Variants in RITA1 observed in about 807,000 individuals in gnomAD.
RITA1 encodes RBPJ interacting and tubulin associated 1, also known as RBPJ-interacting and tubulin-associated protein 1.
Under a neutral mutation model 8.7 loss-of-function variants are expected in RITA1, and 15 were observed. That is an observed-to-expected ratio of 1.72 (90% CI 1.15 to 2.65). RITA1 has a LOEUF of 2.65. Ranked by LOEUF, RITA1 falls within the 30% of genes most tolerant of loss-of-function variation. The pLI is 0.00. For synonymous variants in RITA1, 145 were observed against 156.2 expected, an observed-to-expected ratio of 0.93 and a Z score of 0.53; for missense variants, 330 against 363.8, an observed-to-expected ratio of 0.91 and a Z score of 0.76.
Position 113,185,801 on chromosome 12 carries a change from G to C in RITA1, c.-417G>C. ...TGGATTCGCGGGCCGTTCACACGTA[G>C]CCTGTGCCGGCTCCTCGGGTGAGTC... On this transcript the variant is annotated 5_prime_UTR_variant, in exon 1 of 4. Coordinates refer to ENST00000548278, the MANE Select transcript of RITA1 (RefSeq NM_032848.3). 1 of 638,766 alleles carries C rather than the reference G, an allele frequency of 1.6e-6. No homozygotes were observed. Among genetic ancestry groups the C allele is most frequent in the Non-Finnish European group, 2.7e-6 (1 of 373,742 alleles). 39.6% of individuals were successfully genotyped at this position (638,766 alleles called of 1,614,324 possible).
Position 113,190,479 on chromosome 12 carries a change from A to G in RITA1, c.303-831A>G, listed in dbSNP as rs75930000. ...GAGCAACATAAATCTGATCTCTACT[A>G]AAAATCAAAAACAAAAAAATTAGCT... On this transcript the variant is annotated intron_variant, in intron 3 of 3. Coordinates refer to ENST00000548278, the MANE Select transcript of RITA1 (RefSeq NM_032848.3). Among the ~76,000 whole-genome samples, 27 of 152,178 alleles carry G rather than the reference A, an allele frequency of 1.8e-4. 1 individual carries two copies. In the East Asian group the frequency reaches 5.2e-3, roughly 29 times the overall value.
chr12:113,191,890 A>C lies in RITA1; in HGVS notation c.*73A>C, dbSNP rs1020143692. On this transcript the variant is annotated 3_prime_UTR_variant, in exon 4 of 4. Transcript: ENST00000548278. The surrounding 1 kb of genome is among the most constrained non-coding windows in gnomAD (Gnocchi z 4.0). ...CCCTTGCCAGGGTAGGAGGACATTC[A>C]TCACCCAGGGAACCCCAGGTATTAA... 6.6e-7 allele frequency: 1 copy of C among 1,508,122 alleles called. No individual in the cohort carries two copies. Among genetic ancestry groups the C allele is most frequent in the Non-Finnish European group, 8.9e-7 (1 of 1,126,382 alleles). The allele number at this position is 1,508,122 out of a possible 1,614,324, so 93.4% of individuals were successfully genotyped here. A position where few individuals can be genotyped will look rare whatever the true frequency, so the allele number is the denominator to read the frequency against.
rs769204296 is a variant in RITA1 at position 113,191,591 on chromosome 12, A to G, written c.584A>G (p.Lys195Arg). 6.2e-7 allele frequency: 1 copy of G among 1,614,114 alleles called. No individual in the cohort carries two copies. The highest frequency in any genetic ancestry group is 8.5e-7 in the Non-Finnish European group (1 of 1,179,996). Residue 195 changes from lysine to arginine, a missense_variant, in exon 4 of 4, where the codon AAG (lysine) becomes AGG (arginine). Coordinates refer to ENST00000548278, the MANE Select transcript of RITA1 (RefSeq NM_032848.3). This position sits in a 1 kb window ranked among gnomAD's most constrained non-coding sequence, Gnocchi z 4.0. ...GGGTTACACTCTTCACGCCCCCTGA[A>G]GCGGGGACTTTCCCATTCCCTCACC... ...MGGLHSSRPL[K>R]RGLSHSLTHL... is the part of the protein sequence containing the mutation.
At chr12:113,188,052 A>ATT (rs539937957) in intron 3 of RITA1, among the ~76,000 whole-genome samples, 2 of 144,558 alleles carry the variant, frequency 1.4e-5, no homozygotes, top group African/African-American at 5.0e-5. Flanking sequence ...AAACAACACA[A>ATT]TTTTTTTTTT....
rs1952530640 is a variant in RITA1 at position 113,185,931 on chromosome 12, C to G, written c.-287C>G. 1 of 1,512,540 alleles carries G rather than the reference C, an allele frequency of 6.6e-7. No individual in the cohort carries two copies. The highest frequency in any genetic ancestry group is 2.5e-5 in the East Asian group (1 of 40,374). The allele number at this position is 1,512,540 out of a possible 1,614,324, so 93.7% of individuals were successfully genotyped here. On this transcript the variant is annotated 5_prime_UTR_variant, in exon 1 of 4. Coordinates refer to ENST00000548278, the MANE Select transcript of RITA1 (RefSeq NM_032848.3). Reference sequence around the variant, plus strand: ...GGATCCCGGATGCACCGCGCGCCCCCGCGCCCTCACCGACGGGTCCAGACC... The same window carrying G: ...GGATCCCGGATGCACCGCGCGCCCCGGCGCCCTCACCGACGGGTCCAGACC...
chr12:113,190,051 C>G (rs191306785), intron 3 of RITA1, among the ~76,000 whole-genome samples: 1 of 140,788 alleles, frequency 7.1e-6, no homozygotes, highest in African/African-American at 2.7e-5. Flanking sequence ...AAAAAAAGGC[C>G]GGGCGCAGTG....
intron 3 of RITA1, among the ~76,000 whole-genome samples, chr12:113,190,626 C>A (rs1446532352): frequency 6.6e-6 from 1 of 152,132 alleles, no homozygotes; most frequent in Admixed American, 6.5e-5. Flanking sequence ...TCCACTTGAA[C>A]AACAGAGTGA....
At chr12:113,187,539 C>G (rs1952551996) in intron 3 of RITA1, among the ~76,000 whole-genome samples, 1 of 152,034 alleles carries the variant, frequency 6.6e-6, no homozygotes, top group African/African-American at 2.4e-5. Context: ...GGTGGGATCA[C>G]TTGAGCTCAG....
In RITA1 at chr12:113,186,894, C is replaced by T. The variant is rs577441314; in HGVS notation, c.148C>T (p.Pro50Ser). 6.6e-5 allele frequency: 107 copies of T among 1,614,134 alleles called. 1 individual carries two copies. Among genetic ancestry groups the T allele is most frequent in the South Asian group, 8.8e-5 (8 of 91,086 alleles). The change falls in exon 3 of 4, where the codon CCG (proline) becomes TCG (serine). Residue 50 changes from proline to serine, a missense_variant. Physicochemically the swap from Pro to Ser is moderately conservative, Grantham distance 74. Coordinates refer to ENST00000548278, the MANE Select transcript of RITA1 (RefSeq NM_032848.3). ...GSPAGTRPTP[P>S]DFDPPWVEKA... ...CCCAGCAGGCACCCGGCCTACCCCA[C>T]CGGACTTCGATCCGCCCTGGGTGGA... is the stretch of plus-strand genomic sequence containing the variant.
At chr12:113,189,706 C>T (rs547262232) in intron 3 of RITA1, among the ~76,000 whole-genome samples, 1 of 141,160 alleles carries the variant, frequency 7.1e-6, no homozygotes, top group Admixed American at 7.6e-5. Context: ...TGGAATCTTG[C>T]AGGTATGCCG....
At position 113,185,832 on chromosome 12, in the gene RITA1, G is replaced by T; in HGVS notation, c.-386G>T. The T allele has an allele frequency of 1.3e-6, 1 of 763,994 alleles. No individual in the cohort carries two copies. The highest frequency in any genetic ancestry group is 2.1e-6 in the Non-Finnish European group (1 of 487,652). The allele number at this position is 763,994 out of a possible 1,614,324, so 47.3% of individuals were successfully genotyped here. On this transcript the variant is annotated 5_prime_UTR_variant, in exon 1 of 4. Coordinates refer to ENST00000548278, the MANE Select transcript of RITA1 (RefSeq NM_032848.3). ...GCCGGCTCCTCGGGTGAGTCCGTCC[G>T]CGCGCGGTGCCCCGGGACGGCCTAG...
chr12:113,191,622 G>A lies in RITA1; in HGVS notation c.615G>A (p.Leu205=), dbSNP rs1242795568. The A allele has an allele frequency of 6.2e-7, 1 of 1,614,108 alleles. No homozygotes were observed. The highest frequency in any genetic ancestry group is 2.2e-5 in the East Asian group (1 of 44,888). ...GACTTTCCCATTCCCTCACCCACCT[G>A]AATGTCCCCAGCACTGGTCATCCAG... ...KRGLSHSLTH[L]NVPSTGHPAT... The change falls in exon 4 of 4, where the codon CTG becomes CTA. Residue 205 remains leucine, a synonymous_variant. Transcript: ENST00000548278. The surrounding 1 kb of genome is among the most constrained non-coding windows in gnomAD (Gnocchi z 4.0).
At chr12:113,186,126 G>C in intron 1 of RITA1, 59 bp from the exon 2 acceptor site, 1 of 1,493,180 alleles carries the variant, frequency 6.7e-7, no homozygotes, top group South Asian at 1.2e-5. Flanking sequence ...GTGATCTCCC[G>C]ATAGCAGTGT....
In RITA1 at chr12:113,188,358, C is replaced by T. The variant is rs181298028; in HGVS notation, c.302+1310C>T. 3.0e-4 allele frequency among the ~76,000 whole-genome samples: 45 copies of T among 152,008 alleles called. No homozygotes were observed. In the East Asian group the frequency reaches 7.2e-3, roughly 24 times the overall value. ...TCACCCTCCCTGGTAGCTGGGATTA[C>T]GCCACCATGCCTGGCTAATTTTGTA... On this transcript the variant is annotated intron_variant, in intron 3 of 3. Transcript: ENST00000548278.
At chr12:113,187,749 C>G (rs1487592266) in intron 3 of RITA1, among the ~76,000 whole-genome samples, 4 of 114,462 alleles carry the variant, frequency 3.5e-5, no homozygotes, top group Non-Finnish European at 5.4e-5. Context: ...AGAGTGAGAC[C>G]CTGTCTCCAA....
In RITA1 at chr12:113,191,529, G is replaced by A. The variant is rs758134858; in HGVS notation, c.522G>A (p.Pro174=). The A allele has an allele frequency of 2.0e-5, 33 of 1,612,340 alleles. No homozygotes were observed. The highest frequency in any genetic ancestry group is 3.3e-5 in the Admixed American group (2 of 59,926). ...IHPAGPSKTE[P]GPAADSQKLS... is the part of the protein sequence containing the mutation. ...CAGCTGGTCCCTCCAAGACAGAGCC[G>A]GGGCCAGCGGCAGACTCCCAGAAGT... Residue 174 remains proline, a synonymous_variant, in exon 4 of 4, where the codon CCG becomes CCA. Transcript: ENST00000548278. This position sits in a 1 kb window ranked among gnomAD's most constrained non-coding sequence, Gnocchi z 4.0.
chr12:113,189,716 G>A (rs1207053705), intron 3 of RITA1, among the ~76,000 whole-genome samples: 5 of 144,452 alleles, frequency 3.5e-5, no homozygotes, highest in African/African-American at 5.2e-5. Flanking sequence ...CAGGTATGCC[G>A]TGAATATCTG....
rs989965770 is a variant in RITA1, at chr12:113,185,737, C to T, written c.-481C>T. ...CGCGTCCGCAGTGCTGCTGGCTGCT[C>T]CCTGGTTGCTGGGTGCAAAGTGCTG... On this transcript the variant is annotated 5_prime_UTR_variant, in exon 1 of 4. Transcript: ENST00000548278. 1 of 574,296 alleles carries T rather than the reference C, an allele frequency of 1.7e-6. No individual in the cohort carries two copies. Among genetic ancestry groups the T allele is most frequent in the African/African-American group, 1.9e-5 (1 of 51,536 alleles). The allele number at this position is 574,296 out of a possible 1,614,324, so 35.6% of individuals were successfully genotyped here. A position where few individuals can be genotyped will look rare whatever the true frequency, so the allele number is the denominator to read the frequency against.
At chr12:113,188,360 C>T (rs186861710) in intron 3 of RITA1, among the ~76,000 whole-genome samples, 1 of 152,092 alleles carries the variant, frequency 6.6e-6, no homozygotes, top group East Asian at 1.9e-4. Flanking sequence ...TGGGATTACG[C>T]CACCATGCCT....
Sources: gnomAD v4.1 joint callset for allele counts (sites outside exome capture counted in the v4.1 genomes callset) on GRCh38, gnomAD v4.1.1 for gene constraint, Gnocchi (gnomAD v3.1) non-coding constraint, MANE v1.5 for transcripts, NCBI Gene and HGNC (gene_info 2026-07-23, HGNC 2026-07-21) for gene names.